The following COLGALT2 variants were observed in gnomAD, a reference collection of about 807,000 sequenced individuals.
The protein encoded by COLGALT2 is procollagen galactosyltransferase 2.
Under a neutral mutation model 73.4 loss-of-function variants are expected in COLGALT2, and 49 were observed. The ratio of observed to expected loss-of-function variants is 0.67; its 90% CI spans 0.53 to 0.85. The LOEUF (loss-of-function observed/expected upper bound fraction) is 0.85, where lower values mean the gene tolerates loss of function less well. Among genes scored for constraint, COLGALT2 ranks in the 40% least tolerant of loss-of-function variants. The pLI is 0.00. For missense variants in COLGALT2, 722 were observed against 790.2 expected, an observed-to-expected ratio of 0.91 and a Z score of 1.03; for synonymous variants, 295 against 307.6, an observed-to-expected ratio of 0.96 and a Z score of 0.43.
Position 183,954,812 on chromosome 1 carries a change from G to T in COLGALT2, c.979C>A (p.Gln327Lys). 1 of 1,613,310 alleles carries T rather than the reference G, an allele frequency of 6.2e-7. No homozygotes were observed. Residue 327 changes from glutamine to lysine, a missense_variant, in exon 7 of 12, where the codon CAG becomes AAG. Coordinates refer to ENST00000361927, the MANE Select transcript of COLGALT2 (RefSeq NM_015101.4). ...TATTTAGGGACAACTGAGACATACT[G>T]GGAGGGTTCCATTGGAGGACGGTCA... ...MIDRPPMEPS[Q>K]YVSVVPKYPD...
chr1:183,946,905 C>T (rs1390805040), intron 8 of COLGALT2, among the ~76,000 whole-genome samples: 2 of 152,086 alleles, frequency 1.3e-5, no homozygotes, highest in African/African-American at 4.8e-5. Context: ...GTGGTGGGTG[C>T]CTGTAGTCCC....
At chr1:183,973,460 A>G (rs1217076498) in intron 4 of COLGALT2, among the ~76,000 whole-genome samples, 156 bp downstream of exon 4, 1 of 152,190 alleles carries the variant, frequency 6.6e-6, no homozygotes, top group Non-Finnish European at 1.5e-5. Flanking sequence ...CATTGGACCC[A>G]GATTTACTGC....
chr1:183,943,522 A>C (rs1239550982), intron 10 of COLGALT2, among the ~76,000 whole-genome samples: 1 of 152,030 alleles, frequency 6.6e-6, no homozygotes, highest in Non-Finnish European at 1.5e-5. Flanking sequence ...AAGGGAAGGG[A>C]AGGAAAAATG....
At chr1:183,959,933 T>C (rs1670652715) in intron 6 of COLGALT2, among the ~76,000 whole-genome samples, 1 of 152,286 alleles carries the variant, frequency 6.6e-6, no homozygotes, top group African/African-American at 2.4e-5. Context: ...ACATGTGCTG[T>C]TCTTTCCACT....
At chr1:184,036,145 A>G (rs570036090) in intron 1 of COLGALT2, among the ~76,000 whole-genome samples, 1 of 152,288 alleles carries the variant, frequency 6.6e-6, no homozygotes, top group Non-Finnish European at 1.5e-5. Flanking sequence ...CCTACCTGAC[A>G]GCACATCTCC....
At chr1:184,028,081 C>T (rs1378464855) in intron 1 of COLGALT2, among the ~76,000 whole-genome samples, 1 of 152,260 alleles carries the variant, frequency 6.6e-6, no homozygotes. Flanking sequence ...CGGGTGTAAA[C>T]CATAATCATT....
At chr1:183,954,727 G>A (rs75151947) in intron 7 of COLGALT2, 35 bp downstream of exon 7, 15,690 of 1,448,736 alleles carry the variant, frequency 0.011, 125 homozygotes, top group South Asian at 0.015. Flanking sequence ...CTGCACACGC[G>A]TGCATGTGCA....
chr1:183,965,956 A>G (rs931988501), intron 5 of COLGALT2, among the ~76,000 whole-genome samples: 1 of 152,230 alleles, frequency 6.6e-6, no homozygotes, highest in Non-Finnish European at 1.5e-5. Flanking sequence ...GAAGAAAAAG[A>G]GCTAACTCCT....
intron 6 of COLGALT2, among the ~76,000 whole-genome samples, chr1:183,957,053 T>G (rs1031881068): frequency 2.0e-5 from 3 of 152,102 alleles, no homozygotes; most frequent in African/African-American, 7.2e-5. Flanking sequence ...CTTGGGACAA[T>G]GGGCTTCATT....
chr1:184,004,997 C>T (rs373991702), intron 1 of COLGALT2, among the ~76,000 whole-genome samples: 12 of 152,202 alleles, frequency 7.9e-5, no homozygotes, highest in Non-Finnish European at 1.5e-4. Context: ...AGAAAGCTGT[C>T]ATTTCTTTTA....
chr1:183,960,223 C>T (rs1049504141), intron 6 of COLGALT2, among the ~76,000 whole-genome samples: 1 of 152,182 alleles, frequency 6.6e-6, no homozygotes, highest in Non-Finnish European at 1.5e-5. Context: ...GAAGCCACTC[C>T]ACCCTCTCGA....
rs1443632424 is a variant in COLGALT2 at position 184,037,207 on chromosome 1, G to A, written c.151C>T (p.Gln51Ter). ...EPVVFPESPL[Q>*]SPTVLVAVLA... is the part of the protein sequence containing the mutation. ...ACCGCCACGAGCACCGTGGGGCTCT[G>A]CAGGGGCGACTCCGGGAAAACCACC... Residue 51 changes from glutamine to a stop codon, truncating the protein, a stop_gained, in exon 1 of 12, where the codon CAG (glutamine) becomes TAG (stop). Transcript: ENST00000361927. LOFTEE classifies it high-confidence loss of function. 2 of 1,604,110 alleles carry A rather than the reference G, an allele frequency of 1.2e-6. No homozygotes were observed. The highest frequency in any genetic ancestry group is 1.3e-5 in the African/African-American group (1 of 74,550).
Position 184,037,664 on chromosome 1 carries a change from T to G in COLGALT2, c.-307A>C. 1 of 1,023,638 alleles carries G rather than the reference T, an allele frequency of 9.8e-7. No homozygotes were observed. The highest frequency in any genetic ancestry group is 1.2e-6 in the Non-Finnish European group (1 of 855,050). 63.4% of individuals were successfully genotyped at this position (1,023,638 alleles called of 1,614,324 possible). A position where few individuals can be genotyped will look rare whatever the true frequency, so the allele number is the denominator to read the frequency against. ...TGTGTGCCCTGAGTCCTGAGGAAAG[T>G]TCCTCTAGTCCAGGTTCCGCTCGTA... On this transcript the variant is annotated 5_prime_UTR_variant, in exon 1 of 12. Transcript: ENST00000361927.
At chr1:183,978,580 C>A in intron 1 of COLGALT2, 60 bp from the exon 2 acceptor site, 1 of 1,007,734 alleles carries the variant, frequency 9.9e-7, no homozygotes. Flanking sequence ...AGAGGGAAAT[C>A]CAAAAGACCC....
intron 5 of COLGALT2, among the ~76,000 whole-genome samples, chr1:183,965,202 C>A (rs1451555724): frequency 6.6e-6 from 1 of 152,132 alleles, no homozygotes; most frequent in African/African-American, 2.4e-5. Context: ...TTCTGGGGAG[C>A]TTCAAAGTGC....
At position 183,944,266 on chromosome 1, in the gene COLGALT2, G is replaced by C. The variant is rs1670189804; in HGVS notation, c.1327C>G (p.His443Asp). The C allele has an allele frequency of 6.2e-7, 1 of 1,613,816 alleles. No homozygotes were observed. The highest frequency in any genetic ancestry group is 1.3e-5 in the African/African-American group (1 of 74,906). The change falls in exon 10 of 12, where the codon CAT becomes GAT. Residue 443 changes from histidine to aspartate, a missense_variant. By Grantham distance (81) the His-to-Asp change is moderately conservative. Coordinates refer to ENST00000361927, the MANE Select transcript of COLGALT2 (RefSeq NM_015101.4). Reference sequence around the variant, plus strand: ...TTCATCAGCTTCTTCTTAAACTGATGCTCAAAACGCACATCGTCTTCAATT... The same window carrying C: ...TTCATCAGCTTCTTCTTAAACTGATCCTCAAAACGCACATCGTCTTCAATT... ...LVIEDDVRFE[H>D]QFKKKLMKLM... is the part of the protein sequence containing the mutation.
At position 183,973,633 on chromosome 1, in the gene COLGALT2, A is replaced by AATTG; in HGVS notation, c.609_610insCAAT (p.Cys204GlnfsTer7). ...AGACTTGCCTTAGGGGTGATTCCGC[A>AATTG]CCAGAAATTAGAATACAGGCCCCGA... On this transcript the variant is annotated frameshift_variant, in exon 4 of 12. Transcript: ENST00000361927. LOFTEE classifies it high-confidence loss of function. 1 of 1,614,110 alleles carries AATTG rather than the reference A, an allele frequency of 6.2e-7. No homozygotes were observed. Among genetic ancestry groups the AATTG allele is most frequent in the African/African-American group, 1.3e-5 (1 of 75,032 alleles).
At chr1:183,984,330 G>A (rs12089543) in intron 1 of COLGALT2, among the ~76,000 whole-genome samples, 16,465 of 152,272 alleles carry the variant, frequency 0.11, 1,025 homozygotes, top group Admixed American at 0.18. Context: ...GCTTGTACCC[G>A]GGAGGCGGAG....
At position 183,954,883 on chromosome 1, in the gene COLGALT2, G is replaced by T. The variant is rs1476452711; in HGVS notation, c.953-45C>A. 3 of 1,453,478 alleles carry T rather than the reference G, an allele frequency of 2.1e-6. No homozygotes were observed. In the East Asian group the frequency reaches 6.8e-5, roughly 33 times the overall value. The allele number at this position is 1,453,478 out of a possible 1,614,324, so 90.0% of individuals were successfully genotyped here. On this transcript the variant is annotated intron_variant, in intron 6 of 11. Transcript: ENST00000361927. ...TGCAGAGTGCTTTGTTAATGAAAGG[G>T]TCAGAAATCAGAATTCCATCCGCAT...
Sources: gnomAD v4.1 joint callset for allele counts (sites outside exome capture counted in the v4.1 genomes callset) on GRCh38, gnomAD v4.1.1 for gene constraint, MANE v1.5 for transcripts, NCBI Gene and HGNC (gene_info 2026-07-23, HGNC 2026-07-21) for gene names.